Variants in CA8 observed in about 807,000 individuals in gnomAD.
CA8 encodes the protein carbonic anhydrase 8 (inactive), also known as carbonic anhydrase-related protein.
In CA8, 22 loss-of-function variants were observed where a neutral mutation model predicts 41.4. The observed-to-expected ratio is 0.53, with a 90% CI of 0.38 to 0.76. The LOEUF (loss-of-function observed/expected upper bound fraction) is 0.76. Ranked by LOEUF, CA8 falls within the 30% of genes least tolerant of loss-of-function variation. CA8 has a pLI of 0.00. For missense variants in CA8, 270 were observed against 352.8 expected (o/e 0.77, Z 1.88); for synonymous variants, 121 against 130.6 (o/e 0.93, Z 0.50).
chr8:60,235,113 G>T (rs1022146808), intron 3 of CA8, among the ~76,000 whole-genome samples: 2 of 152,190 alleles, frequency 1.3e-5, no homozygotes, highest in Admixed American at 1.3e-4. Context: ...TGCTAGGGCT[G>T]TCATCACAAA....
At chr8:60,234,157 C>T (rs914544927) in intron 3 of CA8, among the ~76,000 whole-genome samples, 6 of 152,152 alleles carry the variant, frequency 3.9e-5, no homozygotes, top group Non-Finnish European at 5.9e-5. Flanking sequence ...ATAACCCAAT[C>T]TAGCCACAAG....
chr8:60,196,971 T>C (rs1413897647), intron 8 of CA8, among the ~76,000 whole-genome samples: 1 of 152,120 alleles, frequency 6.6e-6, no homozygotes, highest in Non-Finnish European at 1.5e-5. Context: ...TGATATAATG[T>C]AAGGAGCCAT....
At chr8:60,229,569 C>A (rs991230877) in intron 4 of CA8, among the ~76,000 whole-genome samples, 1 of 152,180 alleles carries the variant, frequency 6.6e-6, no homozygotes, top group Non-Finnish European at 1.5e-5. Context: ...CCCTCCCTGG[C>A]CTAAGTCTCT....
chr8:60,258,340 C>T (rs73685407), intron 3 of CA8, among the ~76,000 whole-genome samples: 22,258 of 152,102 alleles, frequency 0.15, 3,206 homozygotes, highest in African/African-American at 0.38. Flanking sequence ...ATCACAGATA[C>T]ATTTGTATAG....
intron 3 of CA8, among the ~76,000 whole-genome samples, chr8:60,238,825 G>A (rs996143549): frequency 2.9e-4 from 44 of 151,974 alleles, no homozygotes; most frequent in Admixed American, 2.1e-3. Flanking sequence ...TCCCCATTCT[G>A]CTTATGCCCA....
rs886744630 is a variant in CA8, at chr8:60,185,691, T to C, written c.*4330A>G. On this transcript the variant is annotated 3_prime_UTR_variant, in exon 9 of 9. Transcript: ENST00000317995. ...AACAGAAACTTTTCACCAGGAGTTT[T>C]ATATTTAGCAAAACTATCTCAAAGA... 1.8e-4 allele frequency among the ~76,000 whole-genome samples: 27 copies of C among 152,128 alleles called. No individual in the cohort carries two copies. Among genetic ancestry groups the C allele is most frequent in the African/African-American group, 6.5e-4 (27 of 41,442 alleles).
intron 7 of CA8, among the ~76,000 whole-genome samples, chr8:60,210,293 C>T (rs911673042): frequency 2.0e-5 from 3 of 152,294 alleles, no homozygotes; most frequent in African/African-American, 7.2e-5. Flanking sequence ...ATCTGTGTAT[C>T]AAGGGATTAT....
In CA8 at chr8:60,239,872, G is replaced by A. The variant is rs140519315; in HGVS notation, c.418-7493C>T. ...GCTCTCACTCTGTCTCTTGCCTGCCGCCATGTAAGACGTGCCTTTCACCTT... is the reference window on the plus strand; with the variant it reads ...GCTCTCACTCTGTCTCTTGCCTGCCACCATGTAAGACGTGCCTTTCACCTT... On this transcript the variant is annotated intron_variant, in intron 3 of 8. Transcript: ENST00000317995. Among the ~76,000 whole-genome samples the A allele has an allele frequency of 4.3e-3, 658 of 152,278 alleles. 6 individuals carry two copies. Among genetic ancestry groups the A allele is most frequent in the African/African-American group, 0.015 (609 of 41,568 alleles).
rs947482966 is a variant in CA8 at position 60,189,646 on chromosome 8, G to A, written c.*375C>T. ...CAGGAAATGAAGAACTACTAACACCGGGAATGTATTTTTCCTTTCTCAATA... is the reference window on the plus strand; with the variant it reads ...CAGGAAATGAAGAACTACTAACACCAGGAATGTATTTTTCCTTTCTCAATA... On this transcript the variant is annotated 3_prime_UTR_variant, in exon 9 of 9. Transcript: ENST00000317995. The A allele has an allele frequency of 2.0e-5, 3 of 152,382 alleles. No homozygotes were observed. The highest frequency in any genetic ancestry group is 2.1e-4 in the South Asian group (1 of 4,816). 9.4% of individuals were successfully genotyped at this position (152,382 alleles called of 1,614,324 possible).
intron 7 of CA8, among the ~76,000 whole-genome samples, chr8:60,211,177 A>C (rs1361266670): frequency 6.6e-6 from 1 of 152,208 alleles, no homozygotes; most frequent in African/African-American, 2.4e-5. Context: ...TAGCCTAGGA[A>C]ATAAGAAAGA....
chr8:60,240,650 T>C (rs944329189), intron 3 of CA8, among the ~76,000 whole-genome samples: 1 of 151,852 alleles, frequency 6.6e-6, no homozygotes, highest in Non-Finnish European at 1.5e-5. Flanking sequence ...CTATAGAGTA[T>C]AGCTTCACAG....
intron 8 of CA8, among the ~76,000 whole-genome samples, chr8:60,195,111 C>A (rs1352466095): frequency 6.6e-6 from 1 of 152,136 alleles, no homozygotes; most frequent in African/African-American, 2.4e-5. Context: ...TCCAAATATT[C>A]ATTTATCTAC....
intron 5 of CA8, among the ~76,000 whole-genome samples, chr8:60,226,160 A>G (rs1173830044): frequency 6.6e-6 from 1 of 152,124 alleles, no homozygotes; most frequent in Non-Finnish European, 1.5e-5. Flanking sequence ...TCATTTATAC[A>G]ACTTTCCTAT....
At chr8:60,264,621 A>C (rs182513372) in intron 3 of CA8, among the ~76,000 whole-genome samples, 23 of 152,304 alleles carry the variant, frequency 1.5e-4, no homozygotes, top group Admixed American at 1.5e-3. Context: ...CTAGACAGGT[A>C]AGCTCTGGGG....
Position 60,188,208 on chromosome 8 carries a change from C to G in CA8, c.*1813G>C, listed in dbSNP as rs1240889222. 1 of 152,122 alleles carries G rather than the reference C, an allele frequency of 6.6e-6. No individual in the cohort carries two copies. The highest frequency in any genetic ancestry group is 1.5e-5 in the Non-Finnish European group (1 of 68,020). 9.4% of individuals were successfully genotyped at this position (152,122 alleles called of 1,614,324 possible). A position where few individuals can be genotyped will look rare whatever the true frequency, so the allele number is the denominator to read the frequency against. The stretch of plus-strand genomic sequence containing the variant: ...CACACACACCTGTGAAGGGTGAAGT[C>G]TGAACAACTAGATGTTATCCTGAAA... On this transcript the variant is annotated 3_prime_UTR_variant, in exon 9 of 9. Transcript: ENST00000317995.
At chr8:60,232,162 G>C in intron 4 of CA8, 122 bp downstream of exon 4, 1 of 737,166 alleles carries the variant, frequency 1.4e-6, no homozygotes, top group African/African-American at 1.7e-5. Context: ...GTTTTTATCA[G>C]GTGTTCTCTC....
intron 2 of CA8, among the ~76,000 whole-genome samples, chr8:60,274,550 A>G (rs1804171704): frequency 6.6e-6 from 1 of 152,216 alleles, no homozygotes; most frequent in Non-Finnish European, 1.5e-5. Context: ...ATGCAACAGT[A>G]TAAGATGTCC....
intron 7 of CA8, among the ~76,000 whole-genome samples, chr8:60,218,463 T>C (rs1807106369): frequency 6.6e-6 from 1 of 152,136 alleles, no homozygotes. Flanking sequence ...AATGAATGAA[T>C]GCATGCATTC....
intron 6 of CA8, among the ~76,000 whole-genome samples, chr8:60,223,865 G>C (rs1367166673): frequency 1.3e-5 from 2 of 152,178 alleles, no homozygotes; most frequent in African/African-American, 4.8e-5. Flanking sequence ...GCAGAGAAAT[G>C]TGAAGATCAA....
Sources: allele counts gnomAD v4.1 joint callset (sites outside exome capture counted in the v4.1 genomes callset), GRCh38; gene constraint gnomAD v4.1.1; transcripts MANE v1.5; gene names NCBI Gene and HGNC (gene_info 2026-07-23, HGNC 2026-07-21).